The following RELN variants were observed in gnomAD, a reference collection of about 807,000 sequenced individuals.
RELN encodes the protein reelin.
RELN carries 108 observed loss-of-function variants against 427.6 expected under a neutral mutation model. That is an observed-to-expected ratio of 0.25 (90% CI 0.22 to 0.30). RELN has a LOEUF of 0.30. RELN is among the 10% of genes least tolerant of loss of function. RELN has a pLI of 1.00. For synonymous variants in RELN, 1,524 were observed against 1,513.4 expected, an observed-to-expected ratio of 1.01 and a Z score of -0.16; for missense variants, 3,715 against 4,302.8, an observed-to-expected ratio of 0.86 and a Z score of 3.82.
chr7:103,883,974 G>A (rs543438150), intron 2 of RELN, among the ~76,000 whole-genome samples: 20 of 152,156 alleles, frequency 1.3e-4, no homozygotes, highest in African/African-American at 4.6e-4. Flanking sequence ...ATATAGCCAC[G>A]ACAATCCTAA....
intron 3 of RELN, among the ~76,000 whole-genome samples, chr7:103,815,284 A>C (rs1331816466): frequency 6.6e-6 from 1 of 152,210 alleles, no homozygotes; most frequent in African/African-American, 2.4e-5. Flanking sequence ...ATTTAAACTT[A>C]TAAGGTTTTA....
rs184897433 is a variant in RELN at position 103,850,272 on chromosome 7, C to T, written c.338-16600G>A. Among the ~76,000 whole-genome samples, 15 of 152,312 alleles carry T rather than the reference C, an allele frequency of 9.8e-5. No homozygotes were observed. The East Asian group carries it at 2.7e-3, about 27-fold the overall frequency. On this transcript the variant is annotated intron_variant, in intron 2 of 64. Transcript: ENST00000428762. ...GGAGACACCCCAAATACTGTGAGTG[C>T]CCCAACTGTGGAAGTGGCAAAGGGA...
At chr7:103,698,183 A>G in intron 9 of RELN, 90 bp from the exon 10 acceptor site, 1 of 1,451,728 alleles carries the variant, frequency 6.9e-7, no homozygotes, top group South Asian at 1.1e-5. Flanking sequence ...TAGTTTCATG[A>G]TCTCAAGAAT....
intron 16 of RELN, among the ~76,000 whole-genome samples, chr7:103,646,549 C>A (rs1584373443): frequency 6.6e-6 from 1 of 151,984 alleles, no homozygotes; most frequent in South Asian, 2.1e-4. Context: ...TGGAAACATA[C>A]CTCCTCCTAA....
intron 2 of RELN, among the ~76,000 whole-genome samples, chr7:103,912,639 A>G (rs544507035): frequency 2.6e-5 from 4 of 152,254 alleles, no homozygotes; most frequent in Admixed American, 6.6e-5. Flanking sequence ...AAGTACAAAG[A>G]CCTTAATTTA....
intron 1 of RELN, among the ~76,000 whole-genome samples, chr7:103,921,640 C>A (rs1795619538): frequency 6.6e-6 from 1 of 152,134 alleles, no homozygotes; most frequent in Non-Finnish European, 1.5e-5. Flanking sequence ...CTTGTTCAAT[C>A]AACATCTCTA....
intron 3 of RELN, among the ~76,000 whole-genome samples, chr7:103,787,554 A>T (rs1792049392): frequency 6.6e-6 from 1 of 152,200 alleles, no homozygotes; most frequent in African/African-American, 2.4e-5. Context: ...TATGATTAAC[A>T]CCTCTACACA....
In RELN at chr7:103,636,377, A is replaced by G. The variant is rs773740208; in HGVS notation, c.2161T>C (p.Ser721Pro). Reference sequence around the variant, plus strand: ...ATAGAGTAAAAGTTATGGTAAGAGGAGAGCCTGGAACTGCCAAAGCTTTCA... The same window carrying G: ...ATAGAGTAAAAGTTATGGTAAGAGGGGAGCCTGGAACTGCCAAAGCTTTCA... ...ISESFGSSRL[S>P]SYHNFYSIRG... The change falls in exon 18 of 65, where the codon TCC (serine) becomes CCC (proline). Residue 721 changes from serine to proline, a missense_variant. By Grantham distance (74) the Ser-to-Pro change is moderately conservative (BLOSUM62 -1). This residue lies in a region of RELN where 2,208 missense variants were observed against 2,361.7 expected (regional missense o/e 0.93). Coordinates refer to ENST00000428762, the MANE Select transcript of RELN (RefSeq NM_005045.4). 6.2e-7 allele frequency: 1 copy of G among 1,614,002 alleles called. No individual in the cohort carries two copies. The highest frequency in any genetic ancestry group is 1.1e-5 in the South Asian group (1 of 91,070).
intron 20 of RELN, among the ~76,000 whole-genome samples, chr7:103,618,681 C>G (rs1562925521): frequency 6.6e-6 from 1 of 152,154 alleles, no homozygotes; most frequent in Non-Finnish European, 1.5e-5. Flanking sequence ...TATTCTTCAG[C>G]TTTTTCATTC....
chr7:103,831,723 G>A (rs947915087), intron 3 of RELN, among the ~76,000 whole-genome samples: 1 of 152,134 alleles, frequency 6.6e-6, no homozygotes, highest in Non-Finnish European at 1.5e-5. Context: ...ATCAGGAGGT[G>A]CGTGCCAAGG....
chr7:103,653,340 T>TA (rs1832961980), intron 13 of RELN, among the ~76,000 whole-genome samples: 1 of 152,102 alleles, frequency 6.6e-6, no homozygotes, highest in South Asian at 2.1e-4. Context: ...GGGTTACCCT[T>TA]GCATGTGGAA....
chr7:103,959,901 C>T (rs1266330583), intron 1 of RELN, among the ~76,000 whole-genome samples: 4 of 152,114 alleles, frequency 2.6e-5, no homozygotes, highest in African/African-American at 4.8e-5. Flanking sequence ...CACCCACTGA[C>T]GCCCCAAATC....
chr7:103,700,636 T>TG (rs1394378554), intron 9 of RELN, among the ~76,000 whole-genome samples: 13 of 152,134 alleles, frequency 8.5e-5, no homozygotes, highest in Non-Finnish European at 1.5e-5. Flanking sequence ...GAGAATGCTA[T>TG]CAAAAAAGCT....
chr7:103,854,057 A>G (rs1340630305), intron 2 of RELN, among the ~76,000 whole-genome samples: 2 of 152,308 alleles, frequency 1.3e-5, no homozygotes, highest in African/African-American at 4.8e-5. Flanking sequence ...CACAGTGTAT[A>G]TATGTATCGA....
intron 6 of RELN, among the ~76,000 whole-genome samples, chr7:103,730,497 A>C (rs565914637): frequency 6.6e-6 from 1 of 152,024 alleles, no homozygotes; most frequent in Admixed American, 6.6e-5. Flanking sequence ...AAAAAAAAAA[A>C]CAATAAACAC....
intron 28 of RELN, among the ~76,000 whole-genome samples, chr7:103,580,356 G>A (rs993299848): frequency 1.3e-5 from 2 of 152,190 alleles, no homozygotes; most frequent in Non-Finnish European, 2.9e-5. Context: ...CAAGCAGCAA[G>A]CTGGATGGTA....
At chr7:103,583,394 A>G (rs1831199097) in intron 28 of RELN, among the ~76,000 whole-genome samples, 1 of 152,192 alleles carries the variant, frequency 6.6e-6, no homozygotes, top group Non-Finnish European at 1.5e-5. Context: ...GGAGAACCCT[A>G]ACTAATTCAG....
At position 103,785,301 on chromosome 7, in the gene RELN, G is replaced by C. The variant is rs968745976; in HGVS notation, c.474-8674C>G. 7.2e-5 allele frequency among the ~76,000 whole-genome samples: 11 copies of C among 152,162 alleles called. 1 individual carries two copies. Among genetic ancestry groups the C allele is most frequent in the African/African-American group, 2.4e-4 (10 of 41,520 alleles). On this transcript the variant is annotated intron_variant, in intron 3 of 64. Coordinates refer to ENST00000428762, the MANE Select transcript of RELN (RefSeq NM_005045.4). ...TAAGCCTATGGTCACTTGTCTCAGA[G>C]GCATTCTTAGGCAAGGCAAGAACAA...
At chr7:103,639,828 AAC>A (rs1832661694) in intron 17 of RELN, among the ~76,000 whole-genome samples, 1 of 150,604 alleles carries the variant, frequency 6.6e-6, no homozygotes, top group Non-Finnish European at 1.5e-5. Context: ...TCAGCTGTTG[AAC>A]ACTTATCTTT....
Sources: gnomAD v4.1 joint callset for allele counts (sites outside exome capture counted in the v4.1 genomes callset) on GRCh38, gnomAD v4.1.1 for gene constraint, gnomAD v4.1.1 regional missense constraint, MANE v1.5 for transcripts, NCBI Gene and HGNC (gene_info 2026-07-23, HGNC 2026-07-21) for gene names.